TCF4: variants seen among roughly 807,000 people sequenced by gnomAD.
TCF4 encodes the protein SL3-3 enhancer factor 2.
In TCF4, 3 loss-of-function variants were observed where a neutral mutation model predicts 82.1. The observed-to-expected ratio is 0.04, with a 90% CI of 0.02 to 0.09. The LOEUF (loss-of-function observed/expected upper bound fraction) is 0.09, where lower values mean the gene tolerates loss of function less well. TCF4 is among the 10% of genes least tolerant of loss of function. TCF4 has a pLI of 1.00. For synonymous variants in TCF4, 276 were observed against 309.6 expected, an observed-to-expected ratio of 0.89 and a Z score of 1.14; for missense variants, 518 against 852.7, an observed-to-expected ratio of 0.61 and a Z score of 4.89.
At chr18:55,581,688 AT>A (rs889504368) in intron 3 of TCF4, among the ~76,000 whole-genome samples, 1 of 151,918 alleles carries the variant, frequency 6.6e-6, no homozygotes. Flanking sequence ...CACCGGACTG[AT>A]TTTTTTCCGC....
chr18:55,635,844 G>T (rs1160759936), exon 1 of TCF4: 2 of 1,565,092 alleles, frequency 1.3e-6, no homozygotes, highest in Non-Finnish European at 1.7e-6. Context: ...TGATGAAGAT[G>T]AAGGGAAAGA....
intron 5 of TCF4, among the ~76,000 whole-genome samples, chr18:55,419,363 G>C (rs2094642891): frequency 6.6e-6 from 1 of 152,072 alleles, no homozygotes; most frequent in South Asian, 2.1e-4. Context: ...TAGAGGGAAA[G>C]AATGACGTTA....
chr18:55,318,939 T>C (rs991771644), intron 8 of TCF4, among the ~76,000 whole-genome samples: 1 of 152,192 alleles, frequency 6.6e-6, no homozygotes, highest in Non-Finnish European at 1.5e-5. Context: ...TTTCCATTTT[T>C]CTTCTTTTGT....
intron 15 of TCF4, among the ~76,000 whole-genome samples, chr18:55,244,765 A>G (rs1220481270): frequency 6.6e-6 from 1 of 152,158 alleles, no homozygotes; most frequent in South Asian, 2.1e-4. Flanking sequence ...ACAGGGGGAA[A>G]ATTTTGGGCA....
chr18:55,632,556 T>A (rs2097732642), intron 1 of TCF4, among the ~76,000 whole-genome samples: 1 of 152,208 alleles, frequency 6.6e-6, no homozygotes, highest in African/African-American at 2.4e-5. Flanking sequence ...GGCTCAAGGT[T>A]ATTCAGAAAA....
intron 8 of TCF4, among the ~76,000 whole-genome samples, chr18:55,336,997 G>A (rs748675970): frequency 2.0e-5 from 3 of 152,046 alleles, no homozygotes; most frequent in Non-Finnish European, 4.4e-5. Flanking sequence ...TCGAAATTTT[G>A]CACAAACAGA....
At chr18:55,452,238 C>A (rs550541982) in intron 5 of TCF4, among the ~76,000 whole-genome samples, 4 of 152,298 alleles carry the variant, frequency 2.6e-5, no homozygotes, top group African/African-American at 9.6e-5. Context: ...CTCACCATTT[C>A]ATCCAGTCTT....
intron 3 of TCF4, among the ~76,000 whole-genome samples, chr18:55,476,712 C>T (rs1603517468): frequency 6.6e-6 from 1 of 152,270 alleles, no homozygotes; most frequent in African/African-American, 2.4e-5. Flanking sequence ...AGGCAATCCT[C>T]CCACCTCAGC....
chr18:55,561,490 G>A (rs949919525), intron 3 of TCF4, among the ~76,000 whole-genome samples: 1 of 152,176 alleles, frequency 6.6e-6, no homozygotes, highest in Admixed American at 6.6e-5. Flanking sequence ...TAAGGACTCT[G>A]TCTAACACAG....
intron 6 of TCF4, among the ~76,000 whole-genome samples, chr18:55,396,119 A>T (rs767268702): frequency 6.6e-6 from 1 of 152,138 alleles, no homozygotes; most frequent in Non-Finnish European, 1.5e-5. Context: ...TTTCTAGATG[A>T]GAACTAATAT....
intron 2 of TCF4, among the ~76,000 whole-genome samples, chr18:55,603,464 G>GTAT (rs371440891): frequency 1.2e-4 from 19 of 152,132 alleles, no homozygotes; most frequent in African/African-American, 4.3e-4. Flanking sequence ...ATTAAGTTAG[G>GTAT]TATTATTATT....
At chr18:55,364,971 C>T (rs1041108676) in intron 6 of TCF4, among the ~76,000 whole-genome samples, 11 of 151,224 alleles carry the variant, frequency 7.3e-5, no homozygotes, top group East Asian at 5.9e-4. Context: ...CATCCTAATA[C>T]GGTGAAACTC....
intron 1 of TCF4, among the ~76,000 whole-genome samples, chr18:55,587,510 C>T (rs72932757): frequency 0.17 from 25,054 of 151,046 alleles, 2,511 homozygotes; most frequent in Admixed American, 0.3. Flanking sequence ...ATGAATGGAT[C>T]ACAGAGAAAA....
intron 8 of TCF4, among the ~76,000 whole-genome samples, chr18:55,337,263 TG>T (rs2078856835): frequency 6.6e-6 from 1 of 152,230 alleles, no homozygotes; most frequent in African/African-American, 2.4e-5. Flanking sequence ...GCTTTTGGGT[TG>T]TCAGAAGTTG....
chr18:55,299,180 G>A (rs1258991076), intron 8 of TCF4, among the ~76,000 whole-genome samples: 1 of 152,142 alleles, frequency 6.6e-6, no homozygotes, highest in Non-Finnish European at 1.5e-5. Flanking sequence ...GGAGGCCGAG[G>A]TGGGCGGATC....
Position 55,394,590 on chromosome 18 carries a change from T to C in TCF4, c.369+8864A>G, listed in dbSNP as rs578135926. Among the ~76,000 whole-genome samples the C allele has an allele frequency of 4.6e-5, 7 of 152,294 alleles. No individual in the cohort carries two copies. The East Asian group carries it at 1.3e-3, about 29-fold the overall frequency. On this transcript the variant is annotated intron_variant, in intron 6 of 19. Transcript: ENST00000354452. Reference sequence around the variant, plus strand: ...GGCGAAAGTCGCTCTCCCGCCAAAATGTAACTTTGCCCTTTGTTAAGTACA... The same window carrying C: ...GGCGAAAGTCGCTCTCCCGCCAAAACGTAACTTTGCCCTTTGTTAAGTACA...
chr18:55,428,427 C>T (rs1372597847), intron 5 of TCF4, among the ~76,000 whole-genome samples: 1 of 152,214 alleles, frequency 6.6e-6, no homozygotes, highest in Non-Finnish European at 1.5e-5. Flanking sequence ...AGACTCTCCA[C>T]TCAGACATCT....
intron 3 of TCF4, among the ~76,000 whole-genome samples, chr18:55,542,669 CAT>C (rs767490678): frequency 1.8e-4 from 27 of 151,964 alleles, no homozygotes; most frequent in Non-Finnish European, 3.5e-4. Flanking sequence ...CACACACACA[CAT>C]ATATGTACAC....
intron 6 of TCF4, chr18:55,401,005 TCA>T: frequency 1.6e-6 from 2 of 1,289,148 alleles, no homozygotes; most frequent in Non-Finnish European, 2.0e-6. Flanking sequence ...ACTCACCTTG[TCA>T]CACAGTGGGG....
Sources: gnomAD v4.1 joint callset for allele counts (sites outside exome capture counted in the v4.1 genomes callset) on GRCh38, gnomAD v4.1.1 for gene constraint, MANE v1.5 for transcripts, NCBI Gene and HGNC (gene_info 2026-07-23, HGNC 2026-07-21) for gene names.